The following ZCCHC14 variants were observed in gnomAD, a reference collection of about 807,000 sequenced individuals.
ZCCHC14 encodes zinc finger CCHC domain-containing protein 14.
ZCCHC14 carries 16 observed loss-of-function variants against 85.0 expected under a neutral mutation model. The ratio of observed to expected loss-of-function variants is 0.19; its 90% CI spans 0.13 to 0.29. The LOEUF (loss-of-function observed/expected upper bound fraction) is 0.29, where lower values mean the gene tolerates loss of function less well. ZCCHC14 is among the 10% of genes least tolerant of loss of function. The pLI is 1.00. For missense variants in ZCCHC14, 1,303 were observed against 1,443.5 expected, an observed-to-expected ratio of 0.90 and a Z score of 1.58; for synonymous variants, 775 against 630.7, an observed-to-expected ratio of 1.23 and a Z score of -3.43.
intron 1 of ZCCHC14, among the ~76,000 whole-genome samples, chr16:87,483,764 GGTAAA>G (rs1912393686): frequency 1.3e-5 from 2 of 152,134 alleles, no homozygotes; most frequent in South Asian, 2.1e-4. Context: ...CTCGGCAACA[GGTAAA>G]GTAATTACAA....
chr16:87,473,912 A>C (rs1911887160), intron 1 of ZCCHC14: 1 of 152,182 alleles, frequency 6.6e-6, no homozygotes, highest in African/African-American at 2.4e-5. Flanking sequence ...TGCAGGCACC[A>C]CAAACTCTAT....
At chr16:87,422,716 A>G (rs951028688) in intron 4 of ZCCHC14, among the ~76,000 whole-genome samples, 1 of 152,004 alleles carries the variant, frequency 6.6e-6, no homozygotes, top group Non-Finnish European at 1.5e-5. Context: ...AGTCTGGACA[A>G]CAGAGTGAGA....
chr16:87,410,931 C>A (rs942905902), intron 12 of ZCCHC14, among the ~76,000 whole-genome samples: 4 of 152,206 alleles, frequency 2.6e-5, no homozygotes, highest in African/African-American at 9.7e-5. Flanking sequence ...AGAGTTGGGA[C>A]CCACCTTCCC....
chr16:87,465,242 G>T (rs1911464940), intron 1 of ZCCHC14, among the ~76,000 whole-genome samples: 1 of 152,230 alleles, frequency 6.6e-6, no homozygotes, highest in South Asian at 2.1e-4. Context: ...TTTGTTCACT[G>T]CTGTTCCTTT....
At chr16:87,419,914 T>C (rs565629407) in intron 5 of ZCCHC14, 37 bp from the exon 6 acceptor site, 3 of 1,540,032 alleles carry the variant, frequency 1.9e-6, no homozygotes, top group Non-Finnish European at 2.6e-6. Flanking sequence ...AACATTAAAA[T>C]GGCATTCCTG....
intron 2 of ZCCHC14, among the ~76,000 whole-genome samples, chr16:87,453,858 C>T (rs140057937): frequency 6.6e-6 from 1 of 152,330 alleles, no homozygotes; most frequent in East Asian, 1.9e-4. Flanking sequence ...AATGCTGGAA[C>T]TGGCAGACCA....
intron 12 of ZCCHC14, 174 bp downstream of exon 12, chr16:87,411,342 A>G: frequency 6.7e-7 from 1 of 1,495,436 alleles, no homozygotes. Context: ...TAGACCCAAC[A>G]GCAGTCCTTC....
At chr16:87,424,652 G>C (rs986399431) in intron 3 of ZCCHC14, among the ~76,000 whole-genome samples, 1 of 152,118 alleles carries the variant, frequency 6.6e-6, no homozygotes, top group South Asian at 2.1e-4. Context: ...CACAATGCTC[G>C]TCACATGAGG....
At chr16:87,484,620 C>A (rs1412673924) in intron 1 of ZCCHC14, among the ~76,000 whole-genome samples, 1 of 152,202 alleles carries the variant, frequency 6.6e-6, no homozygotes, top group East Asian at 1.9e-4. Flanking sequence ...AAGACACACA[C>A]CAACCTATTC....
At position 87,492,035 on chromosome 16, in the gene ZCCHC14, G is replaced by A. The variant is rs1912794470; in HGVS notation, c.204C>T (p.Asn68=). The A allele has an allele frequency of 3.6e-6, 5 of 1,391,792 alleles. No homozygotes were observed. The highest frequency in any genetic ancestry group is 1.5e-5 in the African/African-American group (1 of 65,188). 86.2% of individuals were successfully genotyped at this position (1,391,792 alleles called of 1,614,324 possible). The change falls in exon 1 of 13, where the codon AAC becomes AAT. Residue 68 remains asparagine, a synonymous_variant. Coordinates refer to ENST00000671377, the MANE Select transcript of ZCCHC14 (RefSeq NM_015144.3). This position sits in a 1 kb window ranked among gnomAD's most constrained non-coding sequence, Gnocchi z 6.7. Reference sequence around the variant, plus strand: ...TGGTGAGGCTGCCCAGGTCGGCCGGGTTGTTGGCCTTGATCTCCGAGTCGC... The same window carrying A: ...TGGTGAGGCTGCCCAGGTCGGCCGGATTGTTGGCCTTGATCTCCGAGTCGC... The part of the protein sequence containing the change: ...SLRDSEIKAN[N]PADLGSLTNL...
At chr16:87,426,247 G>A (rs1909364663) in intron 3 of ZCCHC14, among the ~76,000 whole-genome samples, 2 of 152,164 alleles carry the variant, frequency 1.3e-5, no homozygotes, top group Admixed American at 1.3e-4. Context: ...CGTTAGAGGG[G>A]CATGGGGGCG....
At chr16:87,459,903 A>G (rs1690369145) in intron 2 of ZCCHC14, 105 bp downstream of exon 2, 3 of 1,516,692 alleles carry the variant, frequency 2.0e-6, no homozygotes, top group South Asian at 1.2e-5. Flanking sequence ...TAAGATTGGC[A>G]TTTATGAAAG....
chr16:87,415,000 T>C (rs1190367070), intron 9 of ZCCHC14, among the ~76,000 whole-genome samples: 1 of 152,190 alleles, frequency 6.6e-6, no homozygotes, highest in African/African-American at 2.4e-5. Context: ...GAGAATCGCT[T>C]GAACCTGAGA....
In ZCCHC14 at chr16:87,412,004, T is replaced by C; in HGVS notation, c.2717A>G (p.His906Arg). ...SNPNHHHHHH[H>R]QQPPAPPQPA... ...CTGCGGGGGTGCCGGGGGCTGCTGA[T>C]GGTGGTGGTGGTGGTGGTGGTTCGG... is the stretch of plus-strand genomic sequence containing the variant. The change falls in exon 12 of 13, where the codon CAT becomes CGT. Residue 906 changes from histidine (H) to arginine (R), a missense_variant. Physicochemically the swap from His to Arg is conservative, Grantham distance 29. Around this residue, in one of 7 missense-constraint regions of ZCCHC14, gnomAD observed 797 missense variants for 730.8 expected, o/e 1.09. Coordinates refer to ENST00000671377, the MANE Select transcript of ZCCHC14 (RefSeq NM_015144.3). 1 of 1,601,258 alleles carries C rather than the reference T, an allele frequency of 6.2e-7. No homozygotes were observed. The highest frequency in any genetic ancestry group is 8.5e-7 in the Non-Finnish European group (1 of 1,175,580).
rs1284141617 is a variant in ZCCHC14, at chr16:87,491,139, T to C, written c.570+530A>G. 1.3e-5 allele frequency among the ~76,000 whole-genome samples: 2 copies of C among 152,244 alleles called. No homozygotes were observed. The highest frequency in any genetic ancestry group is 2.9e-5 in the Non-Finnish European group (2 of 68,042). Reference sequence around the variant, plus strand: ...TAAGGGGACAAAGGCCTTATCGCGTTTGCAGCCGGCTAAGTGAAAGGAGGG... The same window carrying C: ...TAAGGGGACAAAGGCCTTATCGCGTCTGCAGCCGGCTAAGTGAAAGGAGGG... On this transcript the variant is annotated intron_variant, in intron 1 of 12. Transcript: ENST00000671377. This position sits in a 1 kb window ranked among gnomAD's most constrained non-coding sequence, Gnocchi z 5.9.
At chr16:87,482,958 T>C (rs1427032006) in intron 1 of ZCCHC14, among the ~76,000 whole-genome samples, 1 of 152,052 alleles carries the variant, frequency 6.6e-6, no homozygotes, top group Non-Finnish European at 1.5e-5. Context: ...ATGTATAATA[T>C]GTATGATGAG....
intron 6 of ZCCHC14, 54 bp downstream of exon 6, chr16:87,419,729 C>T (rs563459650): frequency 1.4e-6 from 2 of 1,425,152 alleles, no homozygotes; most frequent in Middle Eastern, 2.2e-4. Context: ...AGCCACTGCG[C>T]CCAGCTGTTT....
rs753395586 is a variant in ZCCHC14, at chr16:87,491,734, C to G, written c.505G>C (p.Gly169Arg). ...CCGGGCGCGCCCTTGCCGCCGTGGC[C>G]CCCGCCGCCGTTCAGGCTGCTCTGG... ...QIQSSLNGGG[G>R]HGGKGAPGPG... The change falls in exon 1 of 13, where the codon GGC becomes CGC. Residue 169 changes from glycine (G) to arginine (R), a missense_variant. Gly to Arg is a moderately radical substitution (Grantham distance 125, BLOSUM62 -2). Coordinates refer to ENST00000671377, the MANE Select transcript of ZCCHC14 (RefSeq NM_015144.3). The surrounding 1 kb of genome is among the most constrained non-coding windows in gnomAD (Gnocchi z 5.9). 6.0e-5 allele frequency: 95 copies of G among 1,570,746 alleles called. No homozygotes were observed. Among genetic ancestry groups the G allele is most frequent in the Non-Finnish European group, 8.0e-5 (93 of 1,163,812 alleles).
At chr16:87,477,846 C>T in intron 1 of ZCCHC14, among the ~76,000 whole-genome samples, 1 of 147,386 alleles carries the variant, frequency 6.8e-6, no homozygotes, top group South Asian at 2.2e-4. Flanking sequence ...GCTCCCGAGT[C>T]TGCTGCCCCT....
Sources: allele counts gnomAD v4.1 joint callset (sites outside exome capture counted in the v4.1 genomes callset), GRCh38; gene constraint gnomAD v4.1.1; regional missense constraint gnomAD v4.1.1; non-coding constraint Gnocchi (gnomAD v3.1); transcripts MANE v1.5; gene names NCBI Gene and HGNC (gene_info 2026-07-23, HGNC 2026-07-21).